Variants in SERPINF2 observed in about 807,000 individuals in gnomAD.
SERPINF2 encodes the protein serpin family F member 2, also known as alpha-2-antiplasmin.
SERPINF2 carries 15 observed loss-of-function variants against 45.0 expected under a neutral mutation model. The observed-to-expected ratio is 0.33, with a 90% confidence interval of 0.22 to 0.51. The LOEUF (loss-of-function observed/expected upper bound fraction) is 0.51. SERPINF2 is among the 20% of genes least tolerant of loss of function. The pLI, the probability that SERPINF2 is intolerant of heterozygous loss-of-function variation, is 0.97. For missense variants in SERPINF2, 518 were observed against 637.4 expected (o/e 0.81, Z 2.02); for synonymous variants, 283 against 277.9 (o/e 1.02, Z -0.18).
chr17:1,747,951 C>G (rs1906003305), intron 7 of SERPINF2, among the ~76,000 whole-genome samples: 1 of 151,812 alleles, frequency 6.6e-6, no homozygotes, highest in South Asian at 2.1e-4. Context: ...GATGGGTGCC[C>G]AGGAGCCAGA....
At position 1,748,586 on chromosome 17, in the gene SERPINF2, G is replaced by C. The variant is rs147107504; in HGVS notation, c.716-12G>C. On this transcript the variant is annotated splice_polypyrimidine_tract_variant and intron_variant, in intron 7 of 9. Coordinates refer to ENST00000453066, the MANE Select transcript of SERPINF2 (RefSeq NM_000934.4). ...CCCGTCGACGTGACCCCTGCCCTCT[G>C]CTGGGTTTCAGGTTTCTGGAGGAAC... The C allele has an allele frequency of 5.7e-3, 9,258 of 1,612,798 alleles. 36 individuals carry two copies. The highest frequency in any genetic ancestry group is 6.6e-3 in the Non-Finnish European group (7,795 of 1,180,032).
At chr17:1,750,650 A>T (rs553568410) in intron 8 of SERPINF2, among the ~76,000 whole-genome samples, 117 of 152,248 alleles carry the variant, frequency 7.7e-4, no homozygotes, top group Admixed American at 1.4e-3. Context: ...TCTAGCCTAA[A>T]TGTGGTCCCC....
At chr17:1,753,264 G>T (rs2151197165) in intron 9 of SERPINF2, among the ~76,000 whole-genome samples, 1 of 152,312 alleles carries the variant, frequency 6.6e-6, no homozygotes, top group East Asian at 1.9e-4. Flanking sequence ...AATTAGCCAG[G>T]TGTGGTGCAT....
Position 1,745,033 on chromosome 17 carries a change from C to G in SERPINF2, c.38C>G (p.Ser13Cys). 1 of 1,613,688 alleles carries G rather than the reference C, an allele frequency of 6.2e-7. No individual in the cohort carries two copies. The highest frequency in any genetic ancestry group is 8.5e-7 in the Non-Finnish European group (1 of 1,180,010). Reference sequence around the variant, plus strand: ...TGGGGGCTCCTGGTGCTCAGCTGGTCCTGCCTGCAAGGCCCCTGCTCCGTG... The same window carrying G: ...TGGGGGCTCCTGGTGCTCAGCTGGTGCTGCCTGCAAGGCCCCTGCTCCGTG... Reference protein sequence around the residue: ...LLWGLLVLSWSCLQGPCSVFS... With the variant: ...LLWGLLVLSWCCLQGPCSVFS... Residue 13 changes from serine to cysteine, a missense_variant, in exon 2 of 10, where the codon TCC becomes TGC. This residue lies in a region of SERPINF2 where 435 missense variants were observed against 577.3 expected (regional missense o/e 0.75). Transcript: ENST00000453066. This position sits in a 1 kb window ranked among gnomAD's most constrained non-coding sequence, Gnocchi z 6.2.
At chr17:1,744,057 G>T (rs1231680323) in intron 1 of SERPINF2, among the ~76,000 whole-genome samples, 1 of 151,288 alleles carries the variant, frequency 6.6e-6, no homozygotes, top group Non-Finnish European at 1.5e-5. Flanking sequence ...CACCACGCCT[G>T]GCTAATTTTG....
At chr17:1,743,411 C>G (rs1905472213) in intron 1 of SERPINF2, among the ~76,000 whole-genome samples, 1 of 152,162 alleles carries the variant, frequency 6.6e-6, no homozygotes, top group Non-Finnish European at 1.5e-5. Flanking sequence ...CAAGACCTGA[C>G]CAGCCTGAGA....
chr17:1,749,898 C>G (rs1364707186), intron 8 of SERPINF2, among the ~76,000 whole-genome samples: 1 of 152,176 alleles, frequency 6.6e-6, no homozygotes, highest in Non-Finnish European at 1.5e-5. Flanking sequence ...GGCGCTCACA[C>G]AGTGCTCCTT....
rs763161035 is a variant in SERPINF2 at position 1,754,189 on chromosome 17, C to T, written c.1131C>T (p.Gly377=). 34 of 1,612,728 alleles carry T rather than the reference C, an allele frequency of 2.1e-5. No individual in the cohort carries two copies. Among genetic ancestry groups the T allele is most frequent in the Admixed American group, 6.7e-5 (4 of 60,006 alleles). The stretch of plus-strand genomic sequence containing the variant: ...CCGAGCAGAGCCTGGTGGTGTCCGG[C>T]GTGCAGCATCAGTCCACCCTGGAGC... The part of the protein sequence containing the change: ...GISEQSLVVS[G]VQHQSTLELS... The change falls in exon 10 of 10, where the codon GGC becomes GGT. Residue 377 remains glycine (G), a synonymous_variant. Transcript: ENST00000453066.
intron 1 of SERPINF2, 46 bp from the exon 2 acceptor site, chr17:1,744,946 G>T: frequency 6.2e-7 from 1 of 1,612,328 alleles, no homozygotes; most frequent in Non-Finnish European, 8.5e-7. Flanking sequence ...TCCCTGGCGG[G>T]CGTGGGGATG....
chr17:1,750,356 C>T (rs1906273150), intron 8 of SERPINF2, among the ~76,000 whole-genome samples: 2 of 151,952 alleles, frequency 1.3e-5, no homozygotes, highest in South Asian at 2.1e-4. Flanking sequence ...ACCATATTGG[C>T]CAGGATGGTC....
At chr17:1,746,147 C>G in intron 5 of SERPINF2, among the ~76,000 whole-genome samples, 1 of 152,034 alleles carries the variant, frequency 6.6e-6, no homozygotes, top group East Asian at 2.0e-4. Context: ...GTGAAACTCT[C>G]TCTACTAAAA....
intron 1 of SERPINF2, 175 bp downstream of exon 1, chr17:1,743,083 G>T (rs1374404728): frequency 3.0e-6 from 3 of 985,140 alleles, no homozygotes; most frequent in Admixed American, 6.2e-5. Flanking sequence ...CCAGGTCGGA[G>T]TCGGGGCCCT....
rs377204140 is a variant in SERPINF2, at chr17:1,747,035, G to A, written c.384G>A (p.Thr128=). Reference sequence around the variant, plus strand: ...GCCCTCCAGGTGCTCAGAACCACACGTTGCAGAGGCTGCAACAGGTGCTGC... The same window carrying A: ...GCCCTCCAGGTGCTCAGAACCACACATTGCAGAGGCTGCAACAGGTGCTGC... ...SHLALGAQNH[T]LQRLQQVLHA... Residue 128 remains threonine (T), a synonymous_variant, in exon 6 of 10, where the codon ACG becomes ACA. Coordinates refer to ENST00000453066, the MANE Select transcript of SERPINF2 (RefSeq NM_000934.4). 9 of 1,606,566 alleles carry A rather than the reference G, an allele frequency of 5.6e-6. No homozygotes were observed. Among genetic ancestry groups the A allele is most frequent in the South Asian group, 2.2e-5 (2 of 90,962 alleles).
intron 7 of SERPINF2, among the ~76,000 whole-genome samples, chr17:1,748,193 C>T (rs1178789784): frequency 4.0e-5 from 6 of 151,576 alleles, no homozygotes; most frequent in African/African-American, 1.5e-4. Flanking sequence ...CCCAGCTACT[C>T]GGGAGGCTGA....
rs1347494772 is a variant in SERPINF2, at chr17:1,745,133, T to C, written c.64-42T>C. ...GGGGCGTTGGCATGGAGGGAGGGCT[T>C]GGCTCCGAGGGGACCTCCTATCCTC... On this transcript the variant is annotated intron_variant, in intron 2 of 9. Coordinates refer to ENST00000453066, the MANE Select transcript of SERPINF2 (RefSeq NM_000934.4). The surrounding 1 kb of genome is among the most constrained non-coding windows in gnomAD (Gnocchi z 6.2). 1 of 1,594,902 alleles carries C rather than the reference T, an allele frequency of 6.3e-7. No individual in the cohort carries two copies. Among genetic ancestry groups the C allele is most frequent in the Admixed American group, 1.8e-5 (1 of 56,712 alleles).
chr17:1,754,315 C>T lies in SERPINF2; in HGVS notation c.1257C>T (p.Ile419=). The T allele has an allele frequency of 6.2e-7, 1 of 1,614,210 alleles. No individual in the cohort carries two copies. Among genetic ancestry groups the T allele is most frequent in the Non-Finnish European group, 8.5e-7 (1 of 1,180,046 alleles). The change falls in exon 10 of 10, where the codon ATC becomes ATT. Residue 419 remains isoleucine (I), a synonymous_variant. Transcript: ENST00000453066. The part of the protein sequence containing the change: ...FSVNRPFLFF[I]FEDTTGLPLF... ...TGAACCGCCCCTTCCTCTTCTTCAT[C>T]TTCGAGGACACCACAGGCCTTCCCC...
chr17:1,745,193 A>G lies in SERPINF2; in HGVS notation c.82A>G (p.Met28Val). Reference protein sequence around the residue: ...PCSVFSPVSAMEPLGRQLTSG... With the variant: ...PCSVFSPVSAVEPLGRQLTSG... ...TCCACAGTTCTCCCCTGTGAGCGCC[A>G]TGGAGCCCTTGGGCCGGCAGGTACT... The change falls in exon 3 of 10, where the codon ATG becomes GTG. Residue 28 changes from methionine to valine, a missense_variant. Met to Val is a conservative substitution (Grantham distance 21, BLOSUM62 1). Around this residue, in one of 2 missense-constraint regions of SERPINF2, gnomAD observed 435 missense variants for 577.3 expected, o/e 0.75. Coordinates refer to ENST00000453066, the MANE Select transcript of SERPINF2 (RefSeq NM_000934.4). This position sits in a 1 kb window ranked among gnomAD's most constrained non-coding sequence, Gnocchi z 6.2. 1 of 1,518,378 alleles carries G rather than the reference A, an allele frequency of 6.6e-7. No individual in the cohort carries two copies. Among genetic ancestry groups the G allele is most frequent in the Non-Finnish European group, 8.9e-7 (1 of 1,127,334 alleles). The allele number at this position is 1,518,378 out of a possible 1,614,324, so 94.1% of individuals were successfully genotyped here.
chr17:1,746,058 G>A (rs1478006356), intron 5 of SERPINF2, 149 bp downstream of exon 5: 6 of 893,720 alleles, frequency 6.7e-6, no homozygotes, highest in East Asian at 2.5e-5. Context: ...GGTGGCTCAC[G>A]CCTGTAATCC....
chr17:1,753,910 T>C (rs1336404990), intron 9 of SERPINF2, among the ~76,000 whole-genome samples: 1 of 152,090 alleles, frequency 6.6e-6, no homozygotes, highest in East Asian at 1.9e-4. Flanking sequence ...ACACTGAAAA[T>C]GTACCTTGGT....
Sources: gnomAD v4.1 joint callset for allele counts (sites outside exome capture counted in the v4.1 genomes callset) on GRCh38, gnomAD v4.1.1 for gene constraint, gnomAD v4.1.1 regional missense constraint, Gnocchi (gnomAD v3.1) non-coding constraint, MANE v1.5 for transcripts, NCBI Gene and HGNC (gene_info 2026-07-23, HGNC 2026-07-21) for gene names.